GPHN: variants seen among roughly 807,000 people sequenced by gnomAD.
The protein encoded by GPHN is gephyrin.
A neutral mutation model predicts 95.5 loss-of-function variants in GPHN; 17 were observed. The ratio of observed to expected loss-of-function variants is 0.18; its 90% confidence interval spans 0.12 to 0.27. The LOEUF (loss-of-function observed/expected upper bound fraction) is 0.27, where lower values mean the gene tolerates loss of function less well. GPHN is among the 10% of genes least tolerant of loss of function. GPHN has a pLI of 1.00. For synonymous variants in GPHN, 320 were observed against 322.5 expected, an observed-to-expected ratio of 0.99 and a Z score of 0.08; for missense variants, 660 against 978.1, an observed-to-expected ratio of 0.67 and a Z score of 4.34.
At chr14:67,655,893 T>C in the GPHN span, among the ~76,000 whole-genome samples, 1 of 152,168 alleles carries the variant, frequency 6.6e-6, no homozygotes, top group East Asian at 1.9e-4. Flanking sequence ...TCCAGTGATG[T>C]CTAAATCTTA....
At chr14:67,315,714 T>C in the GPHN span, among the ~76,000 whole-genome samples, 1 of 152,138 alleles carries the variant, frequency 6.6e-6, no homozygotes, top group Non-Finnish European at 1.5e-5. Flanking sequence ...CACCTGAGAT[T>C]AGGAGTTTAA....
intron 4 of GPHN, among the ~76,000 whole-genome samples, chr14:66,843,710 A>G (rs2062191221): frequency 6.6e-6 from 1 of 152,228 alleles, no homozygotes; most frequent in Non-Finnish European, 1.5e-5. Context: ...TCTTAGAAAT[A>G]GGAAAATGCT....
chr14:67,214,881 C>T, the GPHN span, among the ~76,000 whole-genome samples: 7 of 152,212 alleles, frequency 4.6e-5, no homozygotes, highest in African/African-American at 1.4e-4. Context: ...AGGTCCTTCA[C>T]ATCCCTTGTA....
chr14:66,586,390 T>A (rs1240701081), intron 1 of GPHN, among the ~76,000 whole-genome samples: 1 of 152,206 alleles, frequency 6.6e-6, no homozygotes, highest in African/African-American at 2.4e-5. Context: ...CATTTACATT[T>A]AAGGTTAGTA....
chr14:67,661,884 G>A, the GPHN span, among the ~76,000 whole-genome samples: 2 of 152,084 alleles, frequency 1.3e-5, no homozygotes, highest in Non-Finnish European at 2.9e-5. Flanking sequence ...GGCCAGGCAC[G>A]GTGGCTCATG....
the GPHN span, among the ~76,000 whole-genome samples, chr14:67,492,280 A>T: frequency 6.6e-6 from 1 of 152,086 alleles, no homozygotes; most frequent in African/African-American, 2.4e-5. Flanking sequence ...GGGCTCTCTA[A>T]TTAGCTGCCT....
At chr14:66,723,796 T>C (rs890575309) in intron 2 of GPHN, among the ~76,000 whole-genome samples, 1 of 152,146 alleles carries the variant, frequency 6.6e-6, no homozygotes, top group African/African-American at 2.4e-5. Flanking sequence ...TAAACCAGTT[T>C]TATTTACCAA....
At chr14:66,826,849 A>G (rs1284046174) in intron 4 of GPHN, among the ~76,000 whole-genome samples, 1 of 152,150 alleles carries the variant, frequency 6.6e-6, no homozygotes, top group East Asian at 1.9e-4. Flanking sequence ...CTCAGTCTCC[A>G]ACCTCACCCC....
the GPHN span, among the ~76,000 whole-genome samples, chr14:67,355,394 TTAA>T: frequency 1.7e-5 from 2 of 114,696 alleles, no homozygotes; most frequent in Non-Finnish European, 3.3e-5. Context: ...CAGATACAAT[TTAA>T]TAATGAAAAA....
At chr14:66,717,361 A>G (rs996809547) in intron 2 of GPHN, among the ~76,000 whole-genome samples, 3 of 151,674 alleles carry the variant, frequency 2.0e-5, no homozygotes, top group Non-Finnish European at 4.4e-5. Flanking sequence ...TTGTTTTTTT[A>G]TTTATGCTGT....
At chr14:67,536,964 T>C in the GPHN span, among the ~76,000 whole-genome samples, 5 of 145,286 alleles carry the variant, frequency 3.4e-5, no homozygotes, top group South Asian at 2.2e-4. Context: ...TGTTTGAACC[T>C]GAGAGGCGGA....
At chr14:67,088,390 C>T (rs1462564167) in intron 11 of GPHN, among the ~76,000 whole-genome samples, 1 of 152,062 alleles carries the variant, frequency 6.6e-6, no homozygotes, top group Non-Finnish European at 1.5e-5. Context: ...GCAGATTTGA[C>T]TTTGCATGTT....
At chr14:67,115,250 A>G (rs1459908612) in intron 16 of GPHN, among the ~76,000 whole-genome samples, 2 of 152,140 alleles carry the variant, frequency 1.3e-5, no homozygotes, top group African/African-American at 4.8e-5. Context: ...ATAAAAAAAA[A>G]AGAGATAAAT....
At chr14:66,659,569 A>G (rs2065516812) in intron 1 of GPHN, among the ~76,000 whole-genome samples, 1 of 151,970 alleles carries the variant, frequency 6.6e-6, no homozygotes, top group Admixed American at 6.6e-5. Flanking sequence ...TTTCAGGTAT[A>G]TCAGTTTTGC....
intron 8 of GPHN, among the ~76,000 whole-genome samples, chr14:66,935,328 T>C (rs2067056410): frequency 1.3e-5 from 2 of 152,100 alleles, no homozygotes; most frequent in Admixed American, 1.3e-4. Context: ...AGCTGTATTG[T>C]ATGAAAGAAC....
At chr14:66,533,095 TA>T (rs964433494) in intron 1 of GPHN, among the ~76,000 whole-genome samples, 22 of 152,224 alleles carry the variant, frequency 1.4e-4, no homozygotes, top group African/African-American at 4.8e-4. Context: ...GTTAACAAGT[TA>T]ATAATTTGTT....
At chr14:66,745,502 T>C (rs1158389731) in intron 2 of GPHN, among the ~76,000 whole-genome samples, 1 of 152,084 alleles carries the variant, frequency 6.6e-6, no homozygotes, top group Non-Finnish European at 1.5e-5. Context: ...ATATTATTTA[T>C]AGATTTTTTG....
intron 10 of GPHN, among the ~76,000 whole-genome samples, chr14:67,043,382 C>G (rs982287924): frequency 6.6e-6 from 1 of 152,056 alleles, no homozygotes; most frequent in African/African-American, 2.4e-5. Context: ...ATAAATAGCT[C>G]TTGTTATTTT....
At chr14:66,998,568 A>G (rs1454252034) in intron 9 of GPHN, among the ~76,000 whole-genome samples, 1 of 152,144 alleles carries the variant, frequency 6.6e-6, no homozygotes, top group Non-Finnish European at 1.5e-5. Flanking sequence ...TACAAAGTAC[A>G]GTATTTATTT....
Sources: gnomAD v4.1 joint callset for allele counts (sites outside exome capture counted in the v4.1 genomes callset) on GRCh38, gnomAD v4.1.1 for gene constraint, MANE v1.5 for transcripts, NCBI Gene and HGNC (gene_info 2026-07-23, HGNC 2026-07-21) for gene names.